Variants in GHR observed in about 807,000 individuals in gnomAD.
GHR encodes the protein growth hormone receptor.
A neutral mutation model predicts 67.1 loss-of-function variants in GHR; 35 were observed. The observed-to-expected ratio is 0.52, with a 90% confidence interval of 0.40 to 0.69. The LOEUF (loss-of-function observed/expected upper bound fraction) is 0.69. Among genes scored for constraint, GHR ranks in the 30% least tolerant of loss-of-function variants. The pLI is 0.00. For missense variants in GHR, 792 were observed against 764.6 expected (o/e 1.04, Z -0.42); for synonymous variants, 272 against 269.1 (o/e 1.01, Z -0.10).
chr5:42,563,910 G>T (rs1201035396), intron 1 of GHR, among the ~76,000 whole-genome samples: 1 of 152,092 alleles, frequency 6.6e-6, no homozygotes, highest in African/African-American at 2.4e-5. Context: ...TCTGCTGGAG[G>T]TTTCCAGCTT....
At chr5:42,476,649 T>C (rs912082202) in intron 1 of GHR, among the ~76,000 whole-genome samples, 12 of 152,268 alleles carry the variant, frequency 7.9e-5, no homozygotes, top group African/African-American at 2.9e-4. Flanking sequence ...CCTCTACTAC[T>C]TTATGTAATT....
chr5:42,532,218 G>A lies in GHR; in HGVS notation c.-11-33646G>A, dbSNP rs186265657. On this transcript the variant is annotated intron_variant, in intron 1 of 9. Coordinates refer to ENST00000230882, the MANE Select transcript of GHR (RefSeq NM_000163.5). ...TGAGGGTCAACCCTTGAGCCATGAG[G>A]GCAGCTTGAAGGAACATGGGGTTGA... Among the ~76,000 whole-genome samples, 4 of 152,156 alleles carry A rather than the reference G, an allele frequency of 2.6e-5. No homozygotes were observed. In the East Asian group the frequency reaches 5.8e-4, roughly 22 times the overall value.
At chr5:42,617,463 C>T (rs1753220557) in intron 2 of GHR, among the ~76,000 whole-genome samples, 1 of 151,808 alleles carries the variant, frequency 6.6e-6, no homozygotes, top group African/African-American at 2.4e-5. Flanking sequence ...AGCCCTGGAT[C>T]TTCCTTACAT....
intron 3 of GHR, among the ~76,000 whole-genome samples, chr5:42,674,086 A>G (rs1756451055): frequency 6.6e-6 from 1 of 152,180 alleles, no homozygotes; most frequent in Non-Finnish European, 1.5e-5. Context: ...CTCATTAAAG[A>G]GAACCTGACA....
intron 3 of GHR, among the ~76,000 whole-genome samples, chr5:42,677,206 C>G (rs1278698810): frequency 2.0e-5 from 3 of 152,170 alleles, no homozygotes; most frequent in Non-Finnish European, 4.4e-5. Flanking sequence ...CTTCATTACT[C>G]TTCCTTTATA....
chr5:42,616,093 A>G (rs951001180), intron 2 of GHR, among the ~76,000 whole-genome samples: 1 of 151,988 alleles, frequency 6.6e-6, no homozygotes, highest in Non-Finnish European at 1.5e-5. Flanking sequence ...CTTGGTGGCC[A>G]TGATAAGGAA....
rs111542909 is a variant in GHR, at chr5:42,615,744, A to C, written c.71-13294A>C. Among the ~76,000 whole-genome samples, 192 of 94,172 alleles carry C rather than the reference A, an allele frequency of 2.0e-3. 3 individuals carry two copies. Among genetic ancestry groups the C allele is most frequent in the African/African-American group, 0.01 (171 of 16,414 alleles). 61.8% of individuals were successfully genotyped at this position (94,172 alleles called of 152,430 possible). A position where few individuals can be genotyped will look rare whatever the true frequency, so the allele number is the denominator to read the frequency against. ...AAATTTGGAAAAAAACAAAAAACAAAAAAAAAAAAACATAGAATTAATTGA... is the reference window on the plus strand; with the variant it reads ...AAATTTGGAAAAAAACAAAAAACAACAAAAAAAAAACATAGAATTAATTGA... On this transcript the variant is annotated intron_variant, in intron 2 of 9. Coordinates refer to ENST00000230882, the MANE Select transcript of GHR (RefSeq NM_000163.5).
At chr5:42,643,056 T>G (rs1754557720) in intron 3 of GHR, among the ~76,000 whole-genome samples, 1 of 152,142 alleles carries the variant, frequency 6.6e-6, no homozygotes, top group South Asian at 2.1e-4. Context: ...TTTTTCCAAC[T>G]AAAGTCATAT....
Position 42,720,826 on chromosome 5 carries a change from A to T in GHR, c.*1402A>T, listed in dbSNP as rs1314622683. 2 of 152,232 alleles carry T rather than the reference A, an allele frequency of 1.3e-5. No individual in the cohort carries two copies. The highest frequency in any genetic ancestry group is 4.8e-5 in the African/African-American group (2 of 41,464). 9.4% of individuals were successfully genotyped at this position (152,232 alleles called of 1,614,324 possible). A position where few individuals can be genotyped will look rare whatever the true frequency, so the allele number is the denominator to read the frequency against. Reference sequence around the variant, plus strand: ...CATTTTTTACTTCCTCTCTGAGTGGACTGGCCTCAAAGCAAGCATTCAGAA... The same window carrying T: ...CATTTTTTACTTCCTCTCTGAGTGGTCTGGCCTCAAAGCAAGCATTCAGAA... On this transcript the variant is annotated 3_prime_UTR_variant, in exon 10 of 10. Transcript: ENST00000230882.
At chr5:42,531,843 G>T (rs1747986172) in intron 1 of GHR, among the ~76,000 whole-genome samples, 1 of 152,116 alleles carries the variant, frequency 6.6e-6, no homozygotes, top group African/African-American at 2.4e-5. Flanking sequence ...GCTCACCAAA[G>T]TCTTGGTTTA....
At chr5:42,689,092 T>G in intron 4 of GHR, 73 bp downstream of exon 4, 1 of 1,260,402 alleles carries the variant, frequency 7.9e-7, no homozygotes. Context: ...TCAGATGTAC[T>G]GTGGGAATGG....
chr5:42,556,267 T>C (rs954304766), intron 1 of GHR, among the ~76,000 whole-genome samples: 3 of 152,194 alleles, frequency 2.0e-5, no homozygotes, highest in Non-Finnish European at 4.4e-5. Context: ...TTTAGTATAC[T>C]ATAAATTATT....
chr5:42,661,128 T>C (rs931230351), intron 3 of GHR, among the ~76,000 whole-genome samples: 11 of 152,318 alleles, frequency 7.2e-5, no homozygotes, highest in African/African-American at 1.9e-4. Flanking sequence ...CTATGTCTGA[T>C]TGGTGTACCT....
intron 1 of GHR, among the ~76,000 whole-genome samples, chr5:42,506,210 T>A (rs1746770580): frequency 6.6e-6 from 1 of 152,204 alleles, no homozygotes; most frequent in Non-Finnish European, 1.5e-5. Flanking sequence ...GAAATCAGAA[T>A]GTATTATGTA....
intron 2 of GHR, among the ~76,000 whole-genome samples, chr5:42,586,359 T>A (rs1224306054): frequency 1.3e-5 from 2 of 152,220 alleles, no homozygotes; most frequent in African/African-American, 2.4e-5. Context: ...TCAGCTAACA[T>A]GACTGTATCC....
chr5:42,697,859 G>A (rs1225448808), intron 5 of GHR, among the ~76,000 whole-genome samples: 2 of 152,150 alleles, frequency 1.3e-5, no homozygotes, highest in East Asian at 1.9e-4. Flanking sequence ...GACCAAAGGG[G>A]TACAGTGGGG....
At chr5:42,474,293 AAG>A (rs377610138) in intron 1 of GHR, among the ~76,000 whole-genome samples, 34 of 6,120 alleles carry the variant, frequency 5.6e-3, no homozygotes, top group African/African-American at 0.011. Flanking sequence ...GAAAAAGAGA[AAG>A]AGAAAGAAAG....
chr5:42,587,500 C>T (rs961981208), intron 2 of GHR, among the ~76,000 whole-genome samples: 3 of 152,102 alleles, frequency 2.0e-5, no homozygotes, highest in African/African-American at 7.2e-5. Flanking sequence ...CAGGGAAAGC[C>T]ACCCCGAGGC....
At chr5:42,514,123 A>G in intron 1 of GHR, 1 of 985,134 alleles carries the variant, frequency 1.0e-6, no homozygotes. Context: ...CTTGAAGACA[A>G]ATGGCTAAAA....
Sources: gnomAD v4.1 joint callset for allele counts (sites outside exome capture counted in the v4.1 genomes callset) on GRCh38, gnomAD v4.1.1 for gene constraint, MANE v1.5 for transcripts, NCBI Gene and HGNC (gene_info 2026-07-23, HGNC 2026-07-21) for gene names.